The following PCDHGB5 variants were observed in gnomAD, a reference collection of about 807,000 sequenced individuals.
PCDHGB5 encodes the protein protocadherin gamma subfamily B, 5, also known as protocadherin gamma-B5.
A neutral mutation model predicts 62.9 loss-of-function variants in PCDHGB5; 48 were observed. That is an observed-to-expected ratio of 0.76 (90% CI 0.61 to 0.97). The LOEUF (loss-of-function observed/expected upper bound fraction) is 0.97. Among genes scored for constraint, PCDHGB5 ranks in the 50% least tolerant of loss-of-function variants. PCDHGB5 has a pLI of 0.00. For missense variants in PCDHGB5, 1,118 were observed against 1,198.6 expected, an observed-to-expected ratio of 0.93 and a Z score of 0.99; for synonymous variants, 474 against 511.2, an observed-to-expected ratio of 0.93 and a Z score of 0.98.
chr5:141,456,576 A>C (rs1383992335), intron 1 of PCDHGB5, among the ~76,000 whole-genome samples: 2 of 152,188 alleles, frequency 1.3e-5, no homozygotes, highest in African/African-American at 4.8e-5. Context: ...ATTTTCCCTG[A>C]GCCTGTCAAT....
intron 1 of PCDHGB5, chr5:141,475,848 C>T (rs1562050268): frequency 4.4e-6 from 2 of 451,496 alleles, no homozygotes; most frequent in Non-Finnish European, 7.9e-6. Context: ...TCAGAGAGCC[C>T]GGCGCTAGCT....
chr5:141,484,121 C>A (rs1451102473), intron 1 of PCDHGB5, among the ~76,000 whole-genome samples: 1 of 152,152 alleles, frequency 6.6e-6, no homozygotes, highest in African/African-American at 2.4e-5. Context: ...TCAAGAATAC[C>A]TTGGTGTCAG....
In PCDHGB5 at chr5:141,431,159, C is replaced by A. The variant is rs1017606383; in HGVS notation, c.2397+30635C>A. On this transcript the variant is annotated intron_variant, in intron 1 of 3. Coordinates refer to ENST00000617380, the MANE Select transcript of PCDHGB5 (RefSeq NM_018925.3). The surrounding 1 kb of genome is among the most constrained non-coding windows in gnomAD (Gnocchi z 4.8). The stretch of plus-strand genomic sequence containing the variant: ...CATTAACGACAATGCGCCTTACTTT[C>A]GTGAAAGTGAATTAGAAATAAAAAT... The A allele has an allele frequency of 6.2e-7, 1 of 1,614,158 alleles. No homozygotes were observed. The highest frequency in any genetic ancestry group is 1.3e-5 in the African/African-American group (1 of 75,046).
chr5:141,473,879 C>G (rs937312573), intron 1 of PCDHGB5, among the ~76,000 whole-genome samples: 2 of 152,120 alleles, frequency 1.3e-5, no homozygotes, highest in Admixed American at 1.3e-4. Context: ...AATGCATACA[C>G]AAGGGTTCTG....
At chr5:141,465,241 G>C (rs2099099198) in intron 1 of PCDHGB5, among the ~76,000 whole-genome samples, 1 of 151,964 alleles carries the variant, frequency 6.6e-6, no homozygotes, top group South Asian at 2.1e-4. Flanking sequence ...CAAGTTCAAG[G>C]CACTTTTGTA....
rs1177043977 is a variant in PCDHGB5, at chr5:141,491,919, C to G, written c.2398-2888C>G. On this transcript the variant is annotated intron_variant, in intron 1 of 3. Coordinates refer to ENST00000617380, the MANE Select transcript of PCDHGB5 (RefSeq NM_018925.3). The surrounding 1 kb of genome is among the most constrained non-coding windows in gnomAD (Gnocchi z 6.9). ...CACCGGGGGTGGTGGCGACTGTGGG[C>G]GAGGGGAGGTGGGACCGACCCCCAC... 5 of 1,361,900 alleles carry G rather than the reference C, an allele frequency of 3.7e-6. No homozygotes were observed. The South Asian group carries it at 7.8e-5, about 21-fold the overall frequency. The allele number at this position is 1,361,900 out of a possible 1,614,324, so 84.4% of individuals were successfully genotyped here. A position where few individuals can be genotyped will look rare whatever the true frequency, so the allele number is the denominator to read the frequency against.
Position 141,414,015 on chromosome 5 carries a change from A to T in PCDHGB5, c.2397+13491A>T. ...ACAGGGACGAAGGTGCCAATGGAGA[A>T]GTGACATATTCATTCCGAAAATTAC... On this transcript the variant is annotated intron_variant, in intron 1 of 3. Coordinates refer to ENST00000617380, the MANE Select transcript of PCDHGB5 (RefSeq NM_018925.3). 6.2e-7 allele frequency: 1 copy of T among 1,613,160 alleles called. No individual in the cohort carries two copies.
chr5:141,423,265 G>A (rs973635802), intron 1 of PCDHGB5: 15 of 1,613,548 alleles, frequency 9.3e-6, no homozygotes, highest in African/African-American at 1.3e-5. Context: ...CGGCAGCCTC[G>A]AGTCTCTGGC....
At position 141,430,895 on chromosome 5, in the gene PCDHGB5, G is replaced by A. The variant is rs775296800; in HGVS notation, c.2397+30371G>A. 6.9e-6 allele frequency: 11 copies of A among 1,605,692 alleles called. No individual in the cohort carries two copies. The Admixed American group carries it at 1.0e-4, about 15-fold the overall frequency. ...AGAGCTGGAGAAAGGCTCTAGGGTG[G>A]GCGACATCTCCAGGGACCTGGGGCT... On this transcript the variant is annotated intron_variant, in intron 1 of 3. Coordinates refer to ENST00000617380, the MANE Select transcript of PCDHGB5 (RefSeq NM_018925.3).
In PCDHGB5 at chr5:141,493,985, C is replaced by A. The variant is rs1444608753; in HGVS notation, c.2398-822C>A. On this transcript the variant is annotated intron_variant, in intron 1 of 3. Coordinates refer to ENST00000617380, the MANE Select transcript of PCDHGB5 (RefSeq NM_018925.3). This position sits in a 1 kb window ranked among gnomAD's most constrained non-coding sequence, Gnocchi z 4.3. ...GCTGGCCAGAGCCCCACACCTTCAGCTAGGTGGGAGATGGCTACACATCAG... is the reference window on the plus strand; with the variant it reads ...GCTGGCCAGAGCCCCACACCTTCAGATAGGTGGGAGATGGCTACACATCAG... Among the ~76,000 whole-genome samples the A allele has an allele frequency of 6.6e-6, 1 of 152,196 alleles. No individual in the cohort carries two copies. The highest frequency in any genetic ancestry group is 1.5e-5 in the Non-Finnish European group (1 of 68,032).
At position 141,404,691 on chromosome 5, in the gene PCDHGB5, G is replaced by A. The variant is rs200601931; in HGVS notation, c.2397+4167G>A. ...TCTACTGGTGTGGAGCTGGCACCCC[G>A]CTCTGCAGAGCCTGGCTACCTGGTG... is the stretch of plus-strand genomic sequence containing the variant. On this transcript the variant is annotated intron_variant, in intron 1 of 3. Transcript: ENST00000617380. 1.4e-5 allele frequency: 22 copies of A among 1,613,996 alleles called. No individual in the cohort carries two copies. The East Asian group carries it at 3.8e-4, about 28-fold the overall frequency.
chr5:141,510,954 T>G lies in PCDHGB5; in HGVS notation c.2553T>G (p.Ala851=), dbSNP rs774590102. The change falls in exon 4 of 4, where the codon GCT becomes GCG. Residue 851 remains alanine, a synonymous_variant. Coordinates refer to ENST00000617380, the MANE Select transcript of PCDHGB5 (RefSeq NM_018925.3). ...AMILASASEA[A]DGSSTLGGGA... ...CTTCCTCTGTCTCTGCAGAAGCTGC[T>G]GATGGGAGCTCCACCCTGGGAGGGG... is the stretch of plus-strand genomic sequence containing the variant. The G allele has an allele frequency of 3.1e-6, 5 of 1,614,162 alleles. No homozygotes were observed. The Admixed American group carries it at 8.3e-5, about 27-fold the overall frequency.
intron 1 of PCDHGB5, among the ~76,000 whole-genome samples, chr5:141,446,381 T>C (rs1225260527): frequency 1.3e-5 from 2 of 152,248 alleles, no homozygotes; most frequent in Non-Finnish European, 2.9e-5. Flanking sequence ...TAAAGAATGA[T>C]AGATTTAAGA....
At chr5:141,404,266 C>T in intron 1 of PCDHGB5, 1 of 1,613,980 alleles carries the variant, frequency 6.2e-7, no homozygotes. Flanking sequence ...AAATTCACAT[C>T]ACCCTGCAAG....
intron 1 of PCDHGB5, chr5:141,421,947 C>T: frequency 6.2e-7 from 1 of 1,613,118 alleles, no homozygotes; most frequent in African/African-American, 1.3e-5. Context: ...ATGATCACAT[C>T]CCAATGTTTA....
At chr5:141,402,458 T>C (rs886690950) in intron 1 of PCDHGB5, among the ~76,000 whole-genome samples, 2 of 152,178 alleles carry the variant, frequency 1.3e-5, no homozygotes, top group Non-Finnish European at 2.9e-5. Flanking sequence ...ATAGTTTACA[T>C]ATCTAGAAAT....
Position 141,398,521 on chromosome 5 carries a change from A to C in PCDHGB5, c.394A>C (p.Lys132Gln). ...EIEDINDHTP[K>Q]FTQNSFELQI... ...CGAGGACATTAATGACCACACGCCA[A>C]AATTCACGCAAAATTCCTTTGAGCT... Residue 132 changes from lysine to glutamine, a missense_variant, in exon 1 of 4, where the codon AAA (lysine) becomes CAA (glutamine). Around this residue, in one of 2 missense-constraint regions of PCDHGB5, gnomAD observed 1,034 missense variants for 1,029.1 expected, o/e 1.00. Coordinates refer to ENST00000617380, the MANE Select transcript of PCDHGB5 (RefSeq NM_018925.3). 6.2e-7 allele frequency: 1 copy of C among 1,613,690 alleles called. No homozygotes were observed. Among genetic ancestry groups the C allele is most frequent in the Non-Finnish European group, 8.5e-7 (1 of 1,179,796 alleles).
At chr5:141,422,181 G>A in intron 1 of PCDHGB5, 3 of 1,561,316 alleles carry the variant, frequency 1.9e-6, no homozygotes, top group Non-Finnish European at 2.6e-6. Flanking sequence ...TCTATGAGAT[G>A]GAAATTCAAG....
At chr5:141,427,898 C>A (rs2154552434) in intron 1 of PCDHGB5, 1 of 1,570,872 alleles carries the variant, frequency 6.4e-7, no homozygotes, top group Non-Finnish European at 8.7e-7. Context: ...AGGGCTCGCC[C>A]GCGCTCAGCG....
Sources: allele counts gnomAD v4.1 joint callset (sites outside exome capture counted in the v4.1 genomes callset), GRCh38; gene constraint gnomAD v4.1.1; regional missense constraint gnomAD v4.1.1; non-coding constraint Gnocchi (gnomAD v3.1); transcripts MANE v1.5; gene names NCBI Gene and HGNC (gene_info 2026-07-23, HGNC 2026-07-21).